TMEFF2: variants seen among roughly 807,000 people sequenced by gnomAD.
TMEFF2 encodes transmembrane protein with EGF like and two follistatin like domains 2.
Under a neutral mutation model 53.8 loss-of-function variants are expected in TMEFF2, and 28 were observed. That is an observed-to-expected ratio of 0.52 (90% CI 0.39 to 0.71). The LOEUF (loss-of-function observed/expected upper bound fraction) is 0.71. Among genes scored for constraint, TMEFF2 ranks in the 30% least tolerant of loss-of-function variants. The probability of loss-of-function intolerance (pLI) is 0.00; values close to 1 mark genes in which losing one functional copy is unlikely to be tolerated. For synonymous variants in TMEFF2, 162 were observed against 166.3 expected (o/e 0.97, Z 0.20); for missense variants, 353 against 455.2 (o/e 0.78, Z 2.04).
intron 7 of TMEFF2, among the ~76,000 whole-genome samples, chr2:191,970,647 G>A (rs561588721): frequency 6.6e-6 from 1 of 152,224 alleles, no homozygotes; most frequent in South Asian, 2.1e-4. Context: ...ATAAATTTCT[G>A]TAGTTTTAAG....
At chr2:192,001,831 T>C (rs1416404306) in intron 5 of TMEFF2, among the ~76,000 whole-genome samples, 1 of 152,188 alleles carries the variant, frequency 6.6e-6, no homozygotes, top group Non-Finnish European at 1.5e-5. Context: ...CTTTCTTTTG[T>C]AAATTGCCCA....
At chr2:192,155,205 A>G (rs749682874) in intron 4 of TMEFF2, among the ~76,000 whole-genome samples, 16 of 151,946 alleles carry the variant, frequency 1.1e-4, no homozygotes, top group Non-Finnish European at 1.6e-4. Context: ...AGCACCTTAT[A>G]TATCAGCATG....
chr2:192,093,445 A>C (rs2105936673), intron 4 of TMEFF2, among the ~76,000 whole-genome samples: 1 of 152,242 alleles, frequency 6.6e-6, no homozygotes, highest in African/African-American at 2.4e-5. Flanking sequence ...TTGTTTCAAT[A>C]ATATCCCATC....
chr2:192,016,307 T>C lies in TMEFF2; in HGVS notation c.537-17099A>G, dbSNP rs78513851. 2.0e-3 allele frequency among the ~76,000 whole-genome samples: 312 copies of C among 152,362 alleles called. 3 individuals carry two copies. Among genetic ancestry groups the C allele is most frequent in the African/African-American group, 7.1e-3 (296 of 41,588 alleles). ...ATTGGTGAATACATGTCTACCTTTC[T>C]TTATTAACAAGTCAAAATTAGGTTA... On this transcript the variant is annotated intron_variant, in intron 5 of 9. Coordinates refer to ENST00000272771, the MANE Select transcript of TMEFF2 (RefSeq NM_016192.4).
chr2:192,057,609 G>T, intron 5 of TMEFF2, 70 bp downstream of exon 5: 1 of 1,257,848 alleles, frequency 8.0e-7, no homozygotes, highest in Non-Finnish European at 1.2e-6. Context: ...GTTGCAGAAT[G>T]GTTGATGGTG....
At chr2:192,189,505 A>T (rs1399613847) in intron 2 of TMEFF2, among the ~76,000 whole-genome samples, 1 of 125,058 alleles carries the variant, frequency 8.0e-6, no homozygotes, top group Non-Finnish European at 1.6e-5. Context: ...AGAGGGCATC[A>T]CCACTATCCA....
At chr2:192,044,889 T>A (rs1687577456) in intron 5 of TMEFF2, among the ~76,000 whole-genome samples, 1 of 152,198 alleles carries the variant, frequency 6.6e-6, no homozygotes, top group African/African-American at 2.4e-5. Context: ...AACTGAGTGT[T>A]GTCTTACTCG....
chr2:192,099,575 A>G (rs548405663), intron 4 of TMEFF2, among the ~76,000 whole-genome samples: 3 of 152,334 alleles, frequency 2.0e-5, no homozygotes, highest in South Asian at 4.1e-4. Context: ...ATGTAAGAAT[A>G]ACTTAAATTG....
chr2:192,140,990 A>C (rs1690123833), intron 4 of TMEFF2, among the ~76,000 whole-genome samples: 1 of 152,168 alleles, frequency 6.6e-6, no homozygotes, highest in South Asian at 2.1e-4. Flanking sequence ...CTGGGTATAC[A>C]AAAGTGAGTG....
At chr2:192,186,844 A>G (rs2106043760) in intron 2 of TMEFF2, among the ~76,000 whole-genome samples, 1 of 152,264 alleles carries the variant, frequency 6.6e-6, no homozygotes, top group African/African-American at 2.4e-5. Context: ...TGGAGAGTGG[A>G]AAGTATTTAT....
At chr2:191,973,419 G>A (rs1421893728) in intron 7 of TMEFF2, among the ~76,000 whole-genome samples, 1 of 152,016 alleles carries the variant, frequency 6.6e-6, no homozygotes, top group Non-Finnish European at 1.5e-5. Flanking sequence ...ATATATGTGT[G>A]TGTATATACA....
At position 192,194,260 on chromosome 2, in the gene TMEFF2, G is replaced by T; in HGVS notation, c.172+93C>A. ...GGTCTAGGGCAGTAGGAGGTGAGGG[G>T]CTGAGGAGGCGCGCTAGGGTAGGCT... is the stretch of plus-strand genomic sequence containing the variant. On this transcript the variant is annotated intron_variant, in intron 1 of 9. Coordinates refer to ENST00000272771, the MANE Select transcript of TMEFF2 (RefSeq NM_016192.4). This position sits in a 1 kb window ranked among gnomAD's most constrained non-coding sequence, Gnocchi z 4.2. 1.4e-6 allele frequency: 2 copies of T among 1,477,632 alleles called. No individual in the cohort carries two copies. Among genetic ancestry groups the T allele is most frequent in the Non-Finnish European group, 1.9e-6 (2 of 1,074,446 alleles). The allele number at this position is 1,477,632 out of a possible 1,614,324, so 91.5% of individuals were successfully genotyped here.
intron 8 of TMEFF2, 40 bp from the exon 9 acceptor site, chr2:191,953,877 G>C: frequency 6.7e-6 from 7 of 1,037,368 alleles, no homozygotes; most frequent in Non-Finnish European, 9.3e-6. Context: ...GTAGGGTGCT[G>C]CATTCATTTT....
At chr2:192,025,818 G>T (rs1332520050) in intron 5 of TMEFF2, among the ~76,000 whole-genome samples, 1 of 152,188 alleles carries the variant, frequency 6.6e-6, no homozygotes, top group Non-Finnish European at 1.5e-5. Context: ...CCACAAGGGG[G>T]AGATACAATG....
intron 7 of TMEFF2, among the ~76,000 whole-genome samples, chr2:191,958,644 A>G (rs1262856317): frequency 1.3e-5 from 2 of 152,228 alleles, no homozygotes; most frequent in East Asian, 3.8e-4. Context: ...GGATATTTTC[A>G]CAAAGTTCAT....
At chr2:192,159,995 G>A (rs761811579) in intron 4 of TMEFF2, among the ~76,000 whole-genome samples, 3 of 152,124 alleles carry the variant, frequency 2.0e-5, no homozygotes, top group Non-Finnish European at 4.4e-5. Context: ...CTTTGGCAAC[G>A]AAATGAATAG....
At chr2:192,059,082 AAGACAT>A (rs1054182391) in intron 4 of TMEFF2, among the ~76,000 whole-genome samples, 8 of 152,272 alleles carry the variant, frequency 5.3e-5, no homozygotes, top group African/African-American at 1.7e-4. Context: ...AAAGGACAAG[AAGACAT>A]CCCTAGGAGA....
intron 7 of TMEFF2, among the ~76,000 whole-genome samples, chr2:191,976,896 T>C (rs941776700): frequency 1.1e-4 from 16 of 152,334 alleles, no homozygotes; most frequent in African/African-American, 3.8e-4. Flanking sequence ...TTTGTTTTCC[T>C]TTTTTCCTAT....
intron 4 of TMEFF2, among the ~76,000 whole-genome samples, chr2:192,128,809 T>C (rs1161398573): frequency 1.3e-5 from 2 of 152,192 alleles, no homozygotes; most frequent in African/African-American, 4.8e-5. Context: ...TTCCAAATGT[T>C]GAAAGAGAAA....
Sources: allele counts gnomAD v4.1 joint callset (sites outside exome capture counted in the v4.1 genomes callset), GRCh38; gene constraint gnomAD v4.1.1; non-coding constraint Gnocchi (gnomAD v3.1); transcripts MANE v1.5; gene names NCBI Gene and HGNC (gene_info 2026-07-23, HGNC 2026-07-21).